The following MYO16 variants were observed in gnomAD, a reference collection of about 807,000 sequenced individuals.
MYO16 encodes unconventional myosin-XVI.
MYO16 carries 94 observed loss-of-function variants against 205.3 expected under a neutral mutation model. That is an observed-to-expected ratio of 0.46 (90% CI 0.39 to 0.54). MYO16 has a LOEUF of 0.54. Ranked by LOEUF, MYO16 falls within the 20% of genes least tolerant of loss-of-function variation. The pLI is 0.00. For missense variants in MYO16, 2,315 were observed against 2,387.5 expected (o/e 0.97, Z 0.63); for synonymous variants, 988 against 954.0 (o/e 1.04, Z -0.66).
At chr13:108,759,312 T>G (rs1326203642) in intron 4 of MYO16, among the ~76,000 whole-genome samples, 1 of 152,272 alleles carries the variant, frequency 6.6e-6, no homozygotes, top group Admixed American at 6.5e-5. Context: ...GAGGAATTGC[T>G]GTTTTACAAA....
At chr13:108,639,331 G>C (rs1305585253) in intron 1 of MYO16, among the ~76,000 whole-genome samples, 1 of 152,158 alleles carries the variant, frequency 6.6e-6, no homozygotes, top group East Asian at 1.9e-4. Context: ...AAAATTCTGT[G>C]TTGCTTTGCT....
chr13:109,078,156 G>A (rs898597698), intron 27 of MYO16, among the ~76,000 whole-genome samples: 1 of 151,780 alleles, frequency 6.6e-6, no homozygotes, highest in Non-Finnish European at 1.5e-5. Context: ...TAGGCTAGGT[G>A]CAGTGGCTCA....
At chr13:108,620,752 G>A (rs567319842) in intron 1 of MYO16, among the ~76,000 whole-genome samples, 17 of 152,260 alleles carry the variant, frequency 1.1e-4, no homozygotes, top group Admixed American at 8.5e-4. Context: ...CCAGTTCCTC[G>A]CCCTTGGGGG....
upstream of MYO16, among the ~76,000 whole-genome samples, chr13:108,628,347 T>G (rs2139348658): frequency 6.6e-6 from 1 of 152,288 alleles, no homozygotes; most frequent in Non-Finnish European, 1.5e-5. Flanking sequence ...TAATCATCAT[T>G]TGGTACATAC....
chr13:108,568,001 T>G, the MYO16 span, among the ~76,000 whole-genome samples: 4 of 152,182 alleles, frequency 2.6e-5, no homozygotes, highest in Non-Finnish European at 5.9e-5. Context: ...TAGTATAATG[T>G]TTTCAAGGTT....
chr13:108,557,909 TATAG>T, the MYO16 span, among the ~76,000 whole-genome samples: 3 of 152,174 alleles, frequency 2.0e-5, no homozygotes, highest in East Asian at 1.9e-4. Flanking sequence ...ATTATACACA[TATAG>T]ATAGATAGGT....
chr13:108,766,106 A>G (rs1293011020), intron 4 of MYO16, among the ~76,000 whole-genome samples: 3 of 152,130 alleles, frequency 2.0e-5, no homozygotes, highest in African/African-American at 7.2e-5. Context: ...AACCTCCTAC[A>G]TTATCTGCCA....
At chr13:108,589,874 C>T in the MYO16 span, among the ~76,000 whole-genome samples, 3 of 152,156 alleles carry the variant, frequency 2.0e-5, no homozygotes, top group Non-Finnish European at 4.4e-5. Context: ...ACATATATCA[C>T]CATGGGCAAG....
At chr13:108,865,155 G>T (rs1878645507) in intron 11 of MYO16, among the ~76,000 whole-genome samples, 1 of 152,082 alleles carries the variant, frequency 6.6e-6, no homozygotes, top group East Asian at 1.9e-4. Flanking sequence ...ACAAGCCAGT[G>T]TTCAACTTGT....
intron 27 of MYO16, among the ~76,000 whole-genome samples, chr13:109,071,040 A>C (rs927942078): frequency 6.6e-5 from 10 of 152,148 alleles, no homozygotes; most frequent in Admixed American, 1.3e-4. Context: ...TTTTGTGGCA[A>C]CTTAAGTACT....
chr13:108,947,636 C>T (rs572831477), intron 16 of MYO16, among the ~76,000 whole-genome samples: 134 of 152,292 alleles, frequency 8.8e-4, no homozygotes, highest in African/African-American at 3.1e-3. Flanking sequence ...GCCCCTTAAC[C>T]GTTGTCCAGG....
At chr13:109,039,619 G>T (rs143141948) in intron 23 of MYO16, among the ~76,000 whole-genome samples, 49 of 152,270 alleles carry the variant, frequency 3.2e-4, no homozygotes, top group African/African-American at 1.1e-3. Flanking sequence ...AGGGGAAATC[G>T]TGACAGAATT....
At chr13:108,999,433 G>A (rs954928923) in intron 21 of MYO16, among the ~76,000 whole-genome samples, 6 of 152,150 alleles carry the variant, frequency 3.9e-5, no homozygotes, top group East Asian at 1.9e-4. Flanking sequence ...ATTTATTTTC[G>A]CTACGTGTCA....
At chr13:108,869,659 A>T (rs1168532181) in intron 12 of MYO16, among the ~76,000 whole-genome samples, 2 of 135,012 alleles carry the variant, frequency 1.5e-5, no homozygotes, top group Non-Finnish European at 3.1e-5. Context: ...TGAACCCGGG[A>T]GGCGGAGGTT....
At chr13:109,017,640 T>A (rs1389290730) in intron 22 of MYO16, among the ~76,000 whole-genome samples, 1 of 152,156 alleles carries the variant, frequency 6.6e-6, no homozygotes, top group African/African-American at 2.4e-5. Context: ...GTCCCATATT[T>A]TTTGGAGGCT....
chr13:109,184,394 A>G (rs531772794), intron 34 of MYO16, among the ~76,000 whole-genome samples: 1 of 152,340 alleles, frequency 6.6e-6, no homozygotes, highest in East Asian at 1.9e-4. Flanking sequence ...GTAGAGATAA[A>G]TAGAAATTTA....
intron 28 of MYO16, among the ~76,000 whole-genome samples, chr13:109,112,164 G>A (rs1369199784): frequency 6.6e-6 from 1 of 152,122 alleles, no homozygotes; most frequent in African/African-American, 2.4e-5. Context: ...ATAGTAAATA[G>A]CATCTCTTTT....
In MYO16 at chr13:108,666,014, T is replaced by G; in HGVS notation, c.157T>G (p.Tyr53Asp). The G allele has an allele frequency of 6.2e-7, 1 of 1,614,086 alleles. No individual in the cohort carries two copies. The highest frequency in any genetic ancestry group is 8.5e-7 in the Non-Finnish European group (1 of 1,180,000). The part of the protein sequence containing the change: ...KRMRCEQIKA[Y>D]YEREKAFQKQ... The stretch of plus-strand genomic sequence containing the variant: ...CATGCGCTGTGAGCAAATCAAAGCC[T>G]ACTATGAGCGCGAGAAGGCTTTTCA... Residue 53 changes from tyrosine (Y) to aspartate (D), a missense_variant, in exon 2 of 35, where the codon TAC becomes GAC. Tyr to Asp is a radical substitution (Grantham distance 160, BLOSUM62 -3). This residue lies in a region of MYO16 where 1,213 missense variants were observed against 1,274.4 expected (regional missense o/e 0.95). Transcript: ENST00000457511.
chr13:108,677,977 C>CA (rs1194880498), intron 2 of MYO16, among the ~76,000 whole-genome samples: 5 of 152,160 alleles, frequency 3.3e-5, no homozygotes, highest in Admixed American at 3.3e-4. Flanking sequence ...GAAAAAGGCA[C>CA]AATCTGTCAG....
Sources: allele counts gnomAD v4.1 joint callset (sites outside exome capture counted in the v4.1 genomes callset), GRCh38; gene constraint gnomAD v4.1.1; regional missense constraint gnomAD v4.1.1; transcripts MANE v1.5; gene names NCBI Gene and HGNC (gene_info 2026-07-23, HGNC 2026-07-21).